Variants in KYAT1 observed in about 807,000 individuals in gnomAD.
KYAT1 encodes kynurenine aminotransferase 1, also known as kynurenine--oxoglutarate transaminase 1.
A neutral mutation model predicts 52.4 loss-of-function variants in KYAT1; 47 were observed. That is an observed-to-expected ratio of 0.90 (90% CI 0.71 to 1.14). The LOEUF (loss-of-function observed/expected upper bound fraction) is 1.14. Among genes scored for constraint, KYAT1 ranks in the 50% most tolerant of loss-of-function variants. The pLI is 0.00. For synonymous variants in KYAT1, 212 were observed against 209.6 expected, an observed-to-expected ratio of 1.01 and a Z score of -0.10; for missense variants, 480 against 557.9, an observed-to-expected ratio of 0.86 and a Z score of 1.41.
intron 1 of KYAT1, among the ~76,000 whole-genome samples, chr9:128,864,195 T>C (rs947638518): frequency 2.2e-4 from 33 of 151,646 alleles, no homozygotes; most frequent in African/African-American, 8.0e-4. Flanking sequence ...ACCCCGTCTC[T>C]ACTAAAAATA....
At chr9:128,865,052 C>T (rs117610929) in intron 1 of KYAT1, among the ~76,000 whole-genome samples, 6,875 of 150,520 alleles carry the variant, frequency 0.046, 237 homozygotes, top group Non-Finnish European at 0.068. Context: ...CGTAGTGAGA[C>T]TCAATCTCTA....
intron 1 of KYAT1, among the ~76,000 whole-genome samples, chr9:128,857,886 G>A (rs1168603844): frequency 6.6e-6 from 1 of 152,038 alleles, no homozygotes; most frequent in Non-Finnish European, 1.5e-5. Flanking sequence ...ACTAAAACAA[G>A]AAAACTAGAA....
intron 3 of KYAT1, among the ~76,000 whole-genome samples, chr9:128,838,776 C>A (rs893311207): frequency 1.3e-5 from 2 of 152,188 alleles, no homozygotes; most frequent in African/African-American, 4.8e-5. Context: ...GCCCGAAGCC[C>A]AGGGCGGGGA....
intron 1 of KYAT1, among the ~76,000 whole-genome samples, chr9:128,858,682 T>C (rs1835023607): frequency 6.8e-6 from 1 of 147,678 alleles, no homozygotes; most frequent in Admixed American, 6.7e-5. Flanking sequence ...GCAACAAAAG[T>C]GAAATTCCAT....
At chr9:128,867,608 A>G (rs1446126188) in intron 1 of KYAT1, among the ~76,000 whole-genome samples, 1 of 152,244 alleles carries the variant, frequency 6.6e-6, no homozygotes, top group Non-Finnish European at 1.5e-5. Context: ...GGGCTAGTTC[A>G]GTATCGCTGT....
chr9:128,835,747 C>A, intron 9 of KYAT1, 32 bp downstream of exon 9: 1 of 1,605,616 alleles, frequency 6.2e-7, no homozygotes, highest in African/African-American at 1.3e-5. Context: ...TGTTGTCCCC[C>A]CACTCCCCCG....
chr9:128,872,596 C>T (rs1055593951), intron 1 of KYAT1, among the ~76,000 whole-genome samples: 16 of 150,890 alleles, frequency 1.1e-4, no homozygotes, highest in African/African-American at 3.4e-4. Context: ...GGTGAAAGCC[C>T]GTCTCTAATA....
At chr9:128,862,581 C>G (rs1835607882) in intron 1 of KYAT1, among the ~76,000 whole-genome samples, 1 of 152,254 alleles carries the variant, frequency 6.6e-6, no homozygotes, top group African/African-American at 2.4e-5. Context: ...GCCTTGGCCC[C>G]TTGCCTTCTC....
intron 1 of KYAT1, among the ~76,000 whole-genome samples, chr9:128,876,069 G>A (rs1837985019): frequency 6.6e-6 from 1 of 152,142 alleles, no homozygotes; most frequent in Non-Finnish European, 1.5e-5. Flanking sequence ...GGAGCCGGCT[G>A]GAATCCAGGC....
chr9:128,839,948 T>G (rs61309985), intron 3 of KYAT1, among the ~76,000 whole-genome samples: 8,426 of 152,118 alleles, frequency 0.055, 280 homozygotes, highest in East Asian at 0.1. Context: ...TCCCAGGTAC[T>G]CGGGAGGCTG....
chr9:128,841,964 A>T (rs1429041499), intron 3 of KYAT1: 3 of 154,904 alleles, frequency 1.9e-5, no homozygotes, highest in Non-Finnish European at 4.3e-5. Flanking sequence ...GTGAGCCGTG[A>T]TCATGTCACT....
Position 128,833,306 on chromosome 9 carries a change from T to A in KYAT1, c.*278A>T, listed in dbSNP as rs1158278139. On this transcript the variant is annotated 3_prime_UTR_variant, in exon 13 of 13. Transcript: ENST00000302586. ...GTCTACCGTCCGTCTCAGCCAAGCC[T>A]GGAGAGACCAGAAGCAACACAAGAC... 5 of 571,290 alleles carry A rather than the reference T, an allele frequency of 8.8e-6. No individual in the cohort carries two copies. The highest frequency in any genetic ancestry group is 1.6e-5 in the Non-Finnish European group (5 of 320,306). The allele number at this position is 571,290 out of a possible 1,614,324, so 35.4% of individuals were successfully genotyped here. A position where few individuals can be genotyped will look rare whatever the true frequency, so the allele number is the denominator to read the frequency against.
In KYAT1 at chr9:128,858,395, T is replaced by TTAAAAA. The variant is rs67073521; in HGVS notation, c.-6-12985_-6-12984insTTTTTA. 4.9e-3 allele frequency among the ~76,000 whole-genome samples: 316 copies of TTAAAAA among 65,108 alleles called. 147 individuals are homozygous for TTAAAAA. Among genetic ancestry groups the TTAAAAA allele is most frequent in the Non-Finnish European group, 5.0e-3 (207 of 41,054 alleles). 42.7% of individuals were successfully genotyped at this position (65,108 alleles called of 152,430 possible). A position where few individuals can be genotyped will look rare whatever the true frequency, so the allele number is the denominator to read the frequency against. On this transcript the variant is annotated intron_variant, in intron 1 of 12. Coordinates refer to ENST00000302586, the MANE Select transcript of KYAT1 (RefSeq NM_004059.5). Reference sequence around the variant, plus strand: ...CTGGGCAACAGAGTGAGACCATGTATAAAAAAAAAAAAAAAAAAAAGCCCG... The same window carrying TTAAAAA: ...CTGGGCAACAGAGTGAGACCATGTATTAAAAAAAAAAAAAAAAAAAAAAAAAGCCCG...
At chr9:128,879,713 C>T (rs1838538432) in intron 1 of KYAT1, among the ~76,000 whole-genome samples, 1 of 152,222 alleles carries the variant, frequency 6.6e-6, no homozygotes. Context: ...AGTTTCCAGT[C>T]ACATTGAAAG....
At chr9:128,865,208 A>G in intron 1 of KYAT1, among the ~76,000 whole-genome samples, 1 of 141,628 alleles carries the variant, frequency 7.1e-6, no homozygotes, top group African/African-American at 2.8e-5. Context: ...CTGAGTGACA[A>G]AGCAAGACCA....
Position 128,842,767 on chromosome 9 carries a change from C to T in KYAT1, c.88G>A (p.Val30Ile), listed in dbSNP as rs368132598. ...GGGAAGCCCTGGCCCAAGTTCACGA[C>T]GTCATGCTCACTGGCCAGTTTCACA... Reference protein sequence around the residue: ...EFVKLASEHDVVNLGQGFPDF... With the variant: ...EFVKLASEHDIVNLGQGFPDF... Residue 30 changes from valine (V) to isoleucine (I), a missense_variant, in exon 3 of 13, where the codon GTC becomes ATC. Transcript: ENST00000302586. The T allele has an allele frequency of 1.4e-5, 23 of 1,613,994 alleles. No homozygotes were observed. In the Admixed American group the frequency reaches 2.2e-4, roughly 15 times the overall value.
chr9:128,841,360 G>A (rs1333446535), intron 3 of KYAT1, among the ~76,000 whole-genome samples: 3 of 152,146 alleles, frequency 2.0e-5, no homozygotes. Context: ...AAAATTAGCT[G>A]GGCATGGTGG....
intron 1 of KYAT1, among the ~76,000 whole-genome samples, chr9:128,872,969 C>T (rs1032282975): frequency 9.8e-5 from 14 of 142,710 alleles, no homozygotes; most frequent in Admixed American, 5.7e-4. Context: ...GCAGCTACTT[C>T]GGAGGCTGAG....
At chr9:128,861,449 G>A (rs1265290087) in intron 1 of KYAT1, among the ~76,000 whole-genome samples, 1 of 152,136 alleles carries the variant, frequency 6.6e-6, no homozygotes, top group Non-Finnish European at 1.5e-5. Context: ...GTTTCCTGAG[G>A]CCTCCCCAGC....
Sources: allele counts gnomAD v4.1 joint callset (sites outside exome capture counted in the v4.1 genomes callset), GRCh38; gene constraint gnomAD v4.1.1; transcripts MANE v1.5; gene names NCBI Gene and HGNC (gene_info 2026-07-23, HGNC 2026-07-21).